RBFOX2: variants seen among roughly 807,000 people sequenced by gnomAD.
RBFOX2 encodes RNA binding protein fox-1 homolog 2.
RBFOX2 carries 10 observed loss-of-function variants against 49.1 expected under a neutral mutation model. The observed-to-expected ratio is 0.20, with a 90% CI of 0.13 to 0.35. The LOEUF is 0.35. Ranked by LOEUF, RBFOX2 falls within the 10% of genes least tolerant of loss-of-function variation. RBFOX2 has a pLI of 1.00. For synonymous variants in RBFOX2, 183 were observed against 187.4 expected, an observed-to-expected ratio of 0.98 and a Z score of 0.19; for missense variants, 323 against 486.9, an observed-to-expected ratio of 0.66 and a Z score of 3.17.
At chr22:35,975,735 A>T (rs1359945321) in intron 1 of RBFOX2, among the ~76,000 whole-genome samples, 1 of 152,050 alleles carries the variant, frequency 6.6e-6, no homozygotes, top group Non-Finnish European at 1.5e-5. Flanking sequence ...TCAAATTTTC[A>T]TGTTGTGCCA....
At chr22:35,767,446 A>G (rs1941338205) in intron 5 of RBFOX2, among the ~76,000 whole-genome samples, 1 of 152,136 alleles carries the variant, frequency 6.6e-6, no homozygotes, top group African/African-American at 2.4e-5. Context: ...TAAATGCTAA[A>G]CCATTGGAAA....
rs376189586 is a variant in RBFOX2, at chr22:35,784,522, C to T, written c.253-2776G>A. On this transcript the variant is annotated intron_variant, in intron 2 of 11. Transcript: ENST00000405409. ...CCTTCAGGCCAGCCTTTGCTGTCCACGCAGGGAGGCAGGCAGGCAGTCAGG... is the reference window on the plus strand; with the variant it reads ...CCTTCAGGCCAGCCTTTGCTGTCCATGCAGGGAGGCAGGCAGGCAGTCAGG... 2.8e-4 allele frequency among the ~76,000 whole-genome samples: 43 copies of T among 152,300 alleles called. No homozygotes were observed. The East Asian group carries it at 3.3e-3, about 12-fold the overall frequency.
intron 1 of RBFOX2, among the ~76,000 whole-genome samples, chr22:35,826,550 A>G (rs972381131): frequency 3.3e-5 from 5 of 152,152 alleles, no homozygotes; most frequent in African/African-American, 1.2e-4. Flanking sequence ...AAGATTGCAT[A>G]TAAGAGATAG....
At chr22:35,983,593 G>A (rs137861408) in intron 1 of RBFOX2, among the ~76,000 whole-genome samples, 1 of 152,258 alleles carries the variant, frequency 6.6e-6, no homozygotes, top group East Asian at 1.9e-4. Context: ...TTTGCAAATG[G>A]AGAATGACCC....
intron 1 of RBFOX2, among the ~76,000 whole-genome samples, chr22:35,937,682 C>T (rs2053251897): frequency 6.6e-6 from 1 of 151,784 alleles, no homozygotes; most frequent in Non-Finnish European, 1.5e-5. Context: ...CCTCTACCTC[C>T]CCAGTTCAAG....
intron 1 of RBFOX2, among the ~76,000 whole-genome samples, chr22:36,014,900 T>C (rs1230897770): frequency 1.3e-5 from 2 of 152,154 alleles, no homozygotes; most frequent in Non-Finnish European, 2.9e-5. Flanking sequence ...CGTATGAAGG[T>C]AGGAAATGCC....
chr22:35,941,749 C>T (rs2053705767), upstream of RBFOX2, among the ~76,000 whole-genome samples: 1 of 152,064 alleles, frequency 6.6e-6, no homozygotes, highest in Non-Finnish European at 1.5e-5. Context: ...AGGAAAAGAT[C>T]ACATTCGTAT....
intron 1 of RBFOX2, among the ~76,000 whole-genome samples, chr22:35,821,026 G>A (rs1954344025): frequency 6.6e-6 from 1 of 152,130 alleles, no homozygotes; most frequent in Non-Finnish European, 1.5e-5. Context: ...CAACCCCAGG[G>A]TACTGTAGGC....
At chr22:35,833,367 C>T (rs1419202261) in intron 1 of RBFOX2, among the ~76,000 whole-genome samples, 4 of 152,120 alleles carry the variant, frequency 2.6e-5, no homozygotes, top group African/African-American at 7.2e-5. Flanking sequence ...AGTGAGAAGA[C>T]AATCATGAAA....
intron 1 of RBFOX2, among the ~76,000 whole-genome samples, chr22:35,950,851 T>G (rs1184921007): frequency 1.3e-5 from 2 of 152,140 alleles, no homozygotes; most frequent in African/African-American, 2.4e-5. Flanking sequence ...ATTATTATAT[T>G]TCTTATTATA....
intron 4 of RBFOX2, among the ~76,000 whole-genome samples, chr22:35,775,851 A>G (rs1943764055): frequency 6.6e-6 from 1 of 151,198 alleles, no homozygotes; most frequent in Non-Finnish European, 1.5e-5. Flanking sequence ...CAAAAAAAAA[A>G]AAAAAAAAAA....
In RBFOX2 at chr22:35,869,229, C is replaced by T. The variant is rs574757359; in HGVS notation, c.-33-59225G>A. Among the ~76,000 whole-genome samples the T allele has an allele frequency of 5.9e-5, 9 of 152,088 alleles. No homozygotes were observed. In the East Asian group the frequency reaches 9.7e-4, roughly 16 times the overall value. On this transcript the variant is annotated intron_variant, in intron 1 of 13. Transcript: ENST00000359369. ...TTTGTTGTTTGTTGTGGTGCGATCT[C>T]GGCTCACTGCAACCTGCTTCCTGGG...
chr22:35,882,475 G>A (rs1235447514), intron 1 of RBFOX2, among the ~76,000 whole-genome samples: 1 of 152,202 alleles, frequency 6.6e-6, no homozygotes, highest in Non-Finnish European at 1.5e-5. Flanking sequence ...TGCTTTAAAG[G>A]AAAAGAAATT....
chr22:35,875,804 T>C (rs919240928), intron 1 of RBFOX2, among the ~76,000 whole-genome samples: 2 of 152,102 alleles, frequency 1.3e-5, no homozygotes, highest in Non-Finnish European at 2.9e-5. Context: ...CATCACATAT[T>C]AAACTTTACA....
intron 1 of RBFOX2, among the ~76,000 whole-genome samples, chr22:35,977,417 CA>C (rs2057226278): frequency 6.6e-6 from 1 of 151,970 alleles, no homozygotes; most frequent in Non-Finnish European, 1.5e-5. Flanking sequence ...AGACGAATCT[CA>C]AAAGAATTAC....
chr22:35,819,698 C>T (rs1030901923), intron 1 of RBFOX2, among the ~76,000 whole-genome samples: 6 of 152,002 alleles, frequency 3.9e-5, no homozygotes, highest in African/African-American at 1.2e-4. Context: ...GATGAAACAA[C>T]GATGATTAAA....
chr22:35,971,925 A>C (rs1248793362), intron 1 of RBFOX2, among the ~76,000 whole-genome samples: 1 of 150,752 alleles, frequency 6.6e-6, no homozygotes, highest in African/African-American at 2.4e-5. Context: ...AAAAAAAAAA[A>C]AAAAAAAAAA....
intron 9 of RBFOX2, 61 bp downstream of exon 11, chr22:35,756,044 G>T (rs1569251581): frequency 8.2e-7 from 1 of 1,224,886 alleles, no homozygotes; most frequent in African/African-American, 1.6e-5. Flanking sequence ...CAAAGAAACA[G>T]AAAAAAAAAG....
At chr22:35,951,075 TC>T (rs1449284711) in intron 1 of RBFOX2, among the ~76,000 whole-genome samples, 1 of 149,840 alleles carries the variant, frequency 6.7e-6, no homozygotes, top group Non-Finnish European at 1.5e-5. Flanking sequence ...TGCCTCAGCC[TC>T]CCAGGTAGCT....
Sources: gnomAD v4.1 joint callset for allele counts (sites outside exome capture counted in the v4.1 genomes callset) on GRCh38, gnomAD v4.1.1 for gene constraint, MANE v1.5 for transcripts, NCBI Gene and HGNC (gene_info 2026-07-23, HGNC 2026-07-21) for gene names.